The following TMEM135 variants were observed in gnomAD, a reference collection of about 807,000 sequenced individuals.
TMEM135 encodes peroxisomal membrane protein 52.
TMEM135 carries 30 observed loss-of-function variants against 60.3 expected under a neutral mutation model. The observed-to-expected ratio is 0.50, with a 90% CI of 0.37 to 0.68. The LOEUF is 0.68. Among genes scored for constraint, TMEM135 ranks in the 30% least tolerant of loss-of-function variants. TMEM135 has a pLI of 0.00. For synonymous variants in TMEM135, 190 were observed against 186.7 expected (o/e 1.02, Z -0.14); for missense variants, 468 against 548.8 (o/e 0.85, Z 1.47).
At chr11:87,243,204 C>T (rs10792923) in intron 6 of TMEM135, among the ~76,000 whole-genome samples, 11,917 of 48,506 alleles carry the variant, frequency 0.25, 1,502 homozygotes, top group Non-Finnish European at 0.29. Flanking sequence ...TCTGTTCCAT[C>T]GATCTATATC....
intron 4 of TMEM135, among the ~76,000 whole-genome samples, chr11:87,111,971 T>C (rs1387076667): frequency 6.6e-6 from 1 of 152,216 alleles, no homozygotes; most frequent in Non-Finnish European, 1.5e-5. Flanking sequence ...TCTGCTATTG[T>C]AGCCTATCTA....
At chr11:87,223,161 CTTTTTT>C (rs34711550) in intron 5 of TMEM135, among the ~76,000 whole-genome samples, 3 of 133,782 alleles carry the variant, frequency 2.2e-5, no homozygotes, top group Non-Finnish European at 4.8e-5. Flanking sequence ...TTGAAAAGCA[CTTTTTT>C]TTTTTTTTTT....
intron 3 of TMEM135, among the ~76,000 whole-genome samples, chr11:87,072,294 T>C (rs1856786561): frequency 6.6e-6 from 1 of 152,204 alleles, no homozygotes; most frequent in South Asian, 2.1e-4. Context: ...TTTTTTATTA[T>C]CATCTAGATC....
At chr11:87,229,985 G>C (rs150178671) in intron 5 of TMEM135, among the ~76,000 whole-genome samples, 2 of 151,884 alleles carry the variant, frequency 1.3e-5, no homozygotes, top group Admixed American at 6.6e-5. Context: ...TATCAGTTTC[G>C]TGGGTTTTTC....
intron 1 of TMEM135, among the ~76,000 whole-genome samples, chr11:87,042,982 T>G (rs1949763353): frequency 6.8e-6 from 1 of 147,900 alleles, no homozygotes; most frequent in African/African-American, 2.6e-5. Flanking sequence ...TGAGACAGAG[T>G]TTCGCTCTTG....
intron 6 of TMEM135, among the ~76,000 whole-genome samples, chr11:87,270,579 T>G (rs1941844721): frequency 6.6e-6 from 1 of 152,192 alleles, no homozygotes; most frequent in Non-Finnish European, 1.5e-5. Flanking sequence ...AATTCAGAGG[T>G]TACATCCTCT....
At chr11:87,258,946 T>A (rs1941587418) in intron 6 of TMEM135, 2 of 1,481,548 alleles carry the variant, frequency 1.3e-6, no homozygotes, top group African/African-American at 2.8e-5. Flanking sequence ...CAGTTGCTGC[T>A]GTTGCTCGGT....
At chr11:87,279,407 C>T (rs906143855) in intron 6 of TMEM135, among the ~76,000 whole-genome samples, 1 of 152,156 alleles carries the variant, frequency 6.6e-6, no homozygotes, top group Admixed American at 6.5e-5. Context: ...ACAGCAACTG[C>T]TATACCCTCA....
intron 5 of TMEM135, among the ~76,000 whole-genome samples, chr11:87,190,750 G>A (rs890434032): frequency 1.3e-5 from 2 of 152,182 alleles, no homozygotes; most frequent in African/African-American, 4.8e-5. Context: ...ACTTTCTATT[G>A]TGGTCTAGGT....
intron 6 of TMEM135, among the ~76,000 whole-genome samples, chr11:87,245,899 G>A (rs1941257351): frequency 1.2e-5 from 1 of 80,544 alleles, no homozygotes; most frequent in Admixed American, 1.1e-4. Context: ...TCATTATGAT[G>A]TTAGCTGGTT....
At chr11:87,246,387 G>A (rs1941271901) in intron 6 of TMEM135, among the ~76,000 whole-genome samples, 1 of 151,534 alleles carries the variant, frequency 6.6e-6, no homozygotes, top group African/African-American at 2.4e-5. Context: ...TCCTGAATCT[G>A]AATGTTGGCC....
At chr11:87,163,139 A>G (rs970295256) in intron 5 of TMEM135, among the ~76,000 whole-genome samples, 1 of 147,194 alleles carries the variant, frequency 6.8e-6, no homozygotes, top group Non-Finnish European at 1.5e-5. Context: ...TGCACCCACT[A>G]ACTCCTCATC....
intron 5 of TMEM135, among the ~76,000 whole-genome samples, chr11:87,175,587 T>C (rs1364848924): frequency 6.6e-6 from 1 of 151,452 alleles, no homozygotes; most frequent in Non-Finnish European, 1.5e-5. Context: ...CATAATTTTG[T>C]CCTTAAACAA....
chr11:87,116,936 C>T (rs1056514453), intron 4 of TMEM135, among the ~76,000 whole-genome samples: 4 of 151,840 alleles, frequency 2.6e-5, no homozygotes, highest in Non-Finnish European at 5.9e-5. Flanking sequence ...GATTCTCCTG[C>T]CTCAGCCTCC....
At chr11:87,240,083 A>T (rs865894791) in intron 6 of TMEM135, among the ~76,000 whole-genome samples, 9 of 152,076 alleles carry the variant, frequency 5.9e-5, no homozygotes, top group Admixed American at 2.6e-4. Flanking sequence ...GGCAAAAGGT[A>T]CTGTGCGAGG....
At chr11:87,092,367 C>A (rs1335086349) in intron 4 of TMEM135, among the ~76,000 whole-genome samples, 1 of 152,074 alleles carries the variant, frequency 6.6e-6, no homozygotes, top group Non-Finnish European at 1.5e-5. Context: ...GTGGGTGTAA[C>A]CCCTTTTGAG....
At chr11:87,167,482 A>G (rs183512178) in intron 5 of TMEM135, among the ~76,000 whole-genome samples, 1 of 152,266 alleles carries the variant, frequency 6.6e-6, no homozygotes, top group Non-Finnish European at 1.5e-5. Context: ...GATATGATCC[A>G]TCAATACCTA....
chr11:87,227,789 A>T (rs1010736419), intron 5 of TMEM135, among the ~76,000 whole-genome samples: 1 of 152,194 alleles, frequency 6.6e-6, no homozygotes, highest in African/African-American at 2.4e-5. Context: ...CAAAGAGACC[A>T]TGCAATAGTC....
chr11:87,220,629 C>T (rs923680845), intron 5 of TMEM135, among the ~76,000 whole-genome samples: 1 of 152,104 alleles, frequency 6.6e-6, no homozygotes, highest in African/African-American at 2.4e-5. Context: ...ATTTAGACAT[C>T]GTGTTTTAGA....
Sources: gnomAD v4.1 joint callset for allele counts (sites outside exome capture counted in the v4.1 genomes callset) on GRCh38, gnomAD v4.1.1 for gene constraint, MANE v1.5 for transcripts, NCBI Gene and HGNC (gene_info 2026-07-23, HGNC 2026-07-21) for gene names.